Variants in NALCN observed in about 807,000 individuals in gnomAD.
NALCN encodes sodium leak channel NALCN.
In NALCN, 111 loss-of-function variants were observed where a neutral mutation model predicts 225.3. The observed-to-expected ratio is 0.49, with a 90% CI of 0.42 to 0.58. The LOEUF (loss-of-function observed/expected upper bound fraction) is 0.58. Among genes scored for constraint, NALCN ranks in the 20% least tolerant of loss-of-function variants. The probability of loss-of-function intolerance (pLI) is 0.00; values close to 1 mark genes in which losing one functional copy is unlikely to be tolerated. For synonymous variants in NALCN, 764 were observed against 769.0 expected, an observed-to-expected ratio of 0.99 and a Z score of 0.11; for missense variants, 1,378 against 2,202.4, an observed-to-expected ratio of 0.63 and a Z score of 7.49.
At chr13:101,263,984 A>G (rs1202688467) in intron 10 of NALCN, among the ~76,000 whole-genome samples, 1 of 152,212 alleles carries the variant, frequency 6.6e-6, no homozygotes, top group Non-Finnish European at 1.5e-5. Context: ...TATCTACAGG[A>G]AAGTCCAAAT....
chr13:101,359,908 T>C (rs2046179061), intron 6 of NALCN, among the ~76,000 whole-genome samples: 1 of 152,202 alleles, frequency 6.6e-6, no homozygotes, highest in African/African-American at 2.4e-5. Context: ...TCCAGTTTAT[T>C]GTACACATTA....
rs79362276 is a variant in NALCN, at chr13:101,158,674, T to A, written c.1840-13778A>T. Among the ~76,000 whole-genome samples the A allele has an allele frequency of 8.5e-3, 1,289 of 152,282 alleles. 22 individuals are homozygous for A. The highest frequency in any genetic ancestry group is 0.029 in the African/African-American group (1,216 of 41,554). The stretch of plus-strand genomic sequence containing the variant: ...TCCTTTCACAACCAACTCAGCTTGC[T>A]GTAATCTAGTGGCTGAACTGAGTAG... On this transcript the variant is annotated intron_variant, in intron 15 of 43. Coordinates refer to ENST00000251127, the MANE Select transcript of NALCN (RefSeq NM_052867.4).
At position 101,376,448 on chromosome 13, in the gene NALCN, C is replaced by T. The variant is rs1368225100; in HGVS notation, c.644+252G>A. Among the ~76,000 whole-genome samples the T allele has an allele frequency of 3.3e-5, 5 of 151,982 alleles. No individual in the cohort carries two copies. In the South Asian group the frequency reaches 6.2e-4, roughly 19 times the overall value. The stretch of plus-strand genomic sequence containing the variant: ...AGGAGAAACGCTTGAACCCGGGATG[C>T]GGAGGTTGCAGTGAACCGAGATCGC... On this transcript the variant is annotated intron_variant, in intron 6 of 43. Coordinates refer to ENST00000251127, the MANE Select transcript of NALCN (RefSeq NM_052867.4).
intron 15 of NALCN, among the ~76,000 whole-genome samples, chr13:101,170,925 C>T (rs1461038352): frequency 1.3e-5 from 2 of 152,176 alleles, no homozygotes; most frequent in African/African-American, 4.8e-5. Flanking sequence ...ATCTGTCTTT[C>T]ACCAAATTTG....
At chr13:101,415,829 T>A (rs2047928557) in intron 1 of NALCN, among the ~76,000 whole-genome samples, 2 of 137,346 alleles carry the variant, frequency 1.5e-5, no homozygotes, top group Non-Finnish European at 1.6e-5. Flanking sequence ...CACCCGCGCG[T>A]TGGCCCAGAG....
intron 7 of NALCN, among the ~76,000 whole-genome samples, chr13:101,334,099 T>C (rs2045280334): frequency 6.6e-6 from 1 of 151,938 alleles, no homozygotes; most frequent in African/African-American, 2.4e-5. Flanking sequence ...AAGAAGTGCC[T>C]GAGGCTCTGC....
At chr13:101,327,940 T>C (rs891792674) in intron 7 of NALCN, among the ~76,000 whole-genome samples, 2 of 152,170 alleles carry the variant, frequency 1.3e-5, no homozygotes, top group Non-Finnish European at 2.9e-5. Flanking sequence ...AGGGTTTCTG[T>C]TGGAACTACT....
intron 18 of NALCN, among the ~76,000 whole-genome samples, chr13:101,123,006 G>T (rs149910186): frequency 6.6e-6 from 1 of 152,152 alleles, no homozygotes; most frequent in Non-Finnish European, 1.5e-5. Context: ...CATAGTTTCC[G>T]GATGAGTGAG....
intron 13 of NALCN, among the ~76,000 whole-genome samples, chr13:101,214,459 A>G (rs973240214): frequency 6.6e-6 from 1 of 151,930 alleles, no homozygotes; most frequent in Non-Finnish European, 1.5e-5. Flanking sequence ...AAAAAAGTCT[A>G]TCCATCTGAG....
chr13:101,104,206 A>T lies in NALCN; in HGVS notation c.2889+89T>A. The T allele has an allele frequency of 6.9e-7, 1 of 1,449,240 alleles. No homozygotes were observed. Among genetic ancestry groups the T allele is most frequent in the Non-Finnish European group, 9.3e-7 (1 of 1,077,678 alleles). The allele number at this position is 1,449,240 out of a possible 1,614,324, so 89.8% of individuals were successfully genotyped here. On this transcript the variant is annotated intron_variant, in intron 25 of 43. Transcript: ENST00000251127. The surrounding 1 kb of genome is among the most constrained non-coding windows in gnomAD (Gnocchi z 4.2). ...TCGGTTAGGGAATCTAAGCCTCTGT[A>T]ACTCATACCTCTTGCGCTTATACCA... is the stretch of plus-strand genomic sequence containing the variant.
At chr13:101,102,605 C>T (rs2034882895) in intron 26 of NALCN, among the ~76,000 whole-genome samples, 1 of 152,140 alleles carries the variant, frequency 6.6e-6, no homozygotes. Flanking sequence ...CAATGTTTGC[C>T]CAGCTAGAAA....
chr13:101,063,083 G>T (rs191216808), intron 40 of NALCN, among the ~76,000 whole-genome samples: 1 of 152,240 alleles, frequency 6.6e-6, no homozygotes, highest in East Asian at 1.9e-4. Flanking sequence ...CAGAGGAGAA[G>T]ACAGCCCCTC....
chr13:101,380,932 T>C (rs570816869), intron 3 of NALCN, among the ~76,000 whole-genome samples: 65 of 151,328 alleles, frequency 4.3e-4, no homozygotes, highest in Non-Finnish European at 9.1e-4. Context: ...AACAGTCTTG[T>C]AGAAAAACAG....
chr13:101,154,366 G>A (rs1051172105), intron 15 of NALCN, among the ~76,000 whole-genome samples: 18 of 152,224 alleles, frequency 1.2e-4, no homozygotes, highest in African/African-American at 4.3e-4. Flanking sequence ...ACTTTTACTT[G>A]TGAATCTTGT....
At chr13:101,332,124 A>T (rs998606967) in intron 7 of NALCN, among the ~76,000 whole-genome samples, 1 of 152,206 alleles carries the variant, frequency 6.6e-6, no homozygotes, top group Non-Finnish European at 1.5e-5. Context: ...AGAATAAAAA[A>T]TATGATAAAA....
At chr13:101,339,920 G>A (rs1204545868) in intron 7 of NALCN, among the ~76,000 whole-genome samples, 1 of 152,072 alleles carries the variant, frequency 6.6e-6, no homozygotes. Flanking sequence ...GTCATTGATT[G>A]GAATAAAATG....
At chr13:101,165,631 G>A (rs113556430) in intron 15 of NALCN, among the ~76,000 whole-genome samples, 97 of 152,180 alleles carry the variant, frequency 6.4e-4, no homozygotes, top group African/African-American at 2.2e-3. Flanking sequence ...CACCATGTCC[G>A]GCTAGGCTAA....
chr13:101,134,570 GTAGT>G (rs1368906434), intron 17 of NALCN, among the ~76,000 whole-genome samples: 1 of 152,106 alleles, frequency 6.6e-6, no homozygotes, highest in African/African-American at 2.4e-5. Flanking sequence ...ATATTTTAAT[GTAGT>G]TAGTCCTTGA....
intron 10 of NALCN, among the ~76,000 whole-genome samples, chr13:101,262,110 A>G (rs551564056): frequency 1.5e-4 from 23 of 152,358 alleles, no homozygotes; most frequent in Admixed American, 1.3e-3. Flanking sequence ...ATGATCATAT[A>G]GCTTTTATCC....
Sources: gnomAD v4.1 joint callset for allele counts (sites outside exome capture counted in the v4.1 genomes callset) on GRCh38, gnomAD v4.1.1 for gene constraint, Gnocchi (gnomAD v3.1) non-coding constraint, MANE v1.5 for transcripts, NCBI Gene and HGNC (gene_info 2026-07-23, HGNC 2026-07-21) for gene names.